Variants in TASP1 observed in about 807,000 individuals in gnomAD.
The protein encoded by TASP1 is threonine aspartase 1.
A neutral mutation model predicts 56.6 loss-of-function variants in TASP1; 16 were observed. The observed-to-expected ratio is 0.28, with a 90% CI of 0.19 to 0.43. The LOEUF is 0.43. TASP1 is among the 20% of genes least tolerant of loss of function. TASP1 has a pLI of 1.00. For missense variants in TASP1, 393 were observed against 511.6 expected, an observed-to-expected ratio of 0.77 and a Z score of 2.24; for synonymous variants, 179 against 184.2, an observed-to-expected ratio of 0.97 and a Z score of 0.23.
At chr20:13,388,943 G>A (rs559224135), downstream of TASP1, among the ~76,000 whole-genome samples, 27 of 151,834 alleles carry the variant, frequency 1.8e-4, no homozygotes, top group Admixed American at 9.2e-4. Context: ...ATCAGTTACC[G>A]CCCAGAGCCA....
intron 12 of TASP1, among the ~76,000 whole-genome samples, chr20:13,428,512 A>C (rs540290192): frequency 2.6e-5 from 4 of 152,234 alleles, no homozygotes; most frequent in African/African-American, 9.6e-5. Flanking sequence ...ACATTGGCTT[A>C]TTTTTTCTCT....
chr20:13,189,306 G>T, the TASP1 span, among the ~76,000 whole-genome samples: 1 of 152,040 alleles, frequency 6.6e-6, no homozygotes, highest in Non-Finnish European at 1.5e-5. Flanking sequence ...TTGACAATTG[G>T]GACCTAATTA....
At chr20:13,225,898 A>G in the TASP1 span, among the ~76,000 whole-genome samples, 3 of 152,222 alleles carry the variant, frequency 2.0e-5, no homozygotes, top group East Asian at 3.8e-4. Context: ...ATATAGATAT[A>G]TAATAAAAGT....
chr20:13,398,160 G>A (rs1475310701), intron 13 of TASP1, among the ~76,000 whole-genome samples: 1 of 152,152 alleles, frequency 6.6e-6, no homozygotes, highest in African/African-American at 2.4e-5. Context: ...ACAATTTCCT[G>A]AGAATCTCAG....
chr20:13,330,252 G>T, the TASP1 span, among the ~76,000 whole-genome samples: 2 of 152,128 alleles, frequency 1.3e-5, no homozygotes, highest in Non-Finnish European at 2.9e-5. Flanking sequence ...ACCACGCCTG[G>T]CTGTGTTTGT....
At chr20:13,610,702 T>A (rs2048322374) in intron 4 of TASP1, among the ~76,000 whole-genome samples, 2 of 152,106 alleles carry the variant, frequency 1.3e-5, no homozygotes, top group Admixed American at 6.6e-5. Flanking sequence ...GTTTTTTTTT[T>A]AAAGAGTCAA....
At chr20:13,529,797 A>G (rs2045141879) in intron 9 of TASP1, among the ~76,000 whole-genome samples, 1 of 152,122 alleles carries the variant, frequency 6.6e-6, no homozygotes. Context: ...TCAGCTTTCT[A>G]TGATATTCTG....
chr20:13,490,689 C>T (rs547612607), intron 10 of TASP1, among the ~76,000 whole-genome samples: 1 of 152,152 alleles, frequency 6.6e-6, no homozygotes, highest in East Asian at 1.9e-4. Context: ...TCACCCCTCC[C>T]ACCCTCTTAC....
the TASP1 span, among the ~76,000 whole-genome samples, chr20:13,303,551 A>G: frequency 6.6e-6 from 1 of 152,152 alleles, no homozygotes; most frequent in Non-Finnish European, 1.5e-5. Context: ...ACCTTCCTAC[A>G]TGCCCAGGTT....
At chr20:13,218,088 A>T in the TASP1 span, among the ~76,000 whole-genome samples, 1 of 151,994 alleles carries the variant, frequency 6.6e-6, no homozygotes, top group African/African-American at 2.4e-5. Flanking sequence ...TCTCTCTACT[A>T]AAGAGTACAA....
At chr20:13,494,543 T>C (rs1304457588) in intron 10 of TASP1, among the ~76,000 whole-genome samples, 2 of 152,144 alleles carry the variant, frequency 1.3e-5, no homozygotes, top group African/African-American at 4.8e-5. Flanking sequence ...ACTGTATATC[T>C]GGGGCTTTAG....
chr20:13,232,673 GTTGTATGT>G, the TASP1 span, among the ~76,000 whole-genome samples: 1 of 152,198 alleles, frequency 6.6e-6, no homozygotes, highest in Non-Finnish European at 1.5e-5. Flanking sequence ...TCATATAGCA[GTTGTATGT>G]TTAGCTTATT....
chr20:13,579,798 T>A (rs1000436325), intron 6 of TASP1, among the ~76,000 whole-genome samples: 1 of 152,332 alleles, frequency 6.6e-6, no homozygotes, highest in South Asian at 2.1e-4. Context: ...ATTTTTTTCA[T>A]AATTGACTCT....
intron 1 of TASP1, among the ~76,000 whole-genome samples, chr20:13,632,225 T>A (rs1440823747): frequency 1.3e-5 from 2 of 151,094 alleles, no homozygotes; most frequent in Non-Finnish European, 2.9e-5. Context: ...CTGGGCATGG[T>A]GGCGCGTTCC....
At chr20:13,224,142 G>A in the TASP1 span, among the ~76,000 whole-genome samples, 2 of 152,096 alleles carry the variant, frequency 1.3e-5, no homozygotes, top group Non-Finnish European at 2.9e-5. Flanking sequence ...ACCAGCTTCA[G>A]CTTATCTTGT....
chr20:13,522,268 C>T (rs1019482549), intron 10 of TASP1, among the ~76,000 whole-genome samples: 1 of 152,044 alleles, frequency 6.6e-6, no homozygotes, highest in Admixed American at 6.6e-5. Context: ...CGTTTGAGTT[C>T]GGTTTGAACA....
At chr20:13,615,207 T>C (rs2048479163) in intron 4 of TASP1, among the ~76,000 whole-genome samples, 1 of 151,982 alleles carries the variant, frequency 6.6e-6, no homozygotes, top group African/African-American at 2.4e-5. Flanking sequence ...ATAAATAAAT[T>C]CCCCACTCTG....
intron 10 of TASP1, among the ~76,000 whole-genome samples, chr20:13,491,349 G>C (rs553907324): frequency 4.6e-4 from 70 of 152,122 alleles, no homozygotes; most frequent in Non-Finnish European, 7.1e-4. Flanking sequence ...TTTATTGCCC[G>C]ACTTAAGATT....
rs372947429 is a variant in TASP1, at chr20:13,506,714, ACT to A, written c.874+21717_874+21718del. Among the ~76,000 whole-genome samples, 752 of 152,178 alleles carry A rather than the reference ACT, an allele frequency of 4.9e-3. 3 individuals carry two copies. Among genetic ancestry groups the A allele is most frequent in the African/African-American group, 0.016 (679 of 41,532 alleles). On this transcript the variant is annotated intron_variant, in intron 10 of 13. Coordinates refer to ENST00000337743, the MANE Select transcript of TASP1 (RefSeq NM_017714.3). The stretch of plus-strand genomic sequence containing the variant: ...CATGCTTTCATGATTAAAAAAAGAA[ACT>A]CTCAACAAATTAGGTACAGAATGCA...
Sources: gnomAD v4.1 joint callset for allele counts (sites outside exome capture counted in the v4.1 genomes callset) on GRCh38, gnomAD v4.1.1 for gene constraint, MANE v1.5 for transcripts, NCBI Gene and HGNC (gene_info 2026-07-23, HGNC 2026-07-21) for gene names.